PALLD: variants seen among roughly 807,000 people sequenced by gnomAD.
The protein encoded by PALLD is palladin.
PALLD carries 61 observed loss-of-function variants against 123.5 expected under a neutral mutation model. The observed-to-expected ratio is 0.49, with a 90% CI of 0.40 to 0.61. The LOEUF is 0.61. Among genes scored for constraint, PALLD ranks in the 20% least tolerant of loss-of-function variants. The pLI is 0.00. For synonymous variants in PALLD, 465 were observed against 496.4 expected (o/e 0.94, Z 0.84); for missense variants, 1,273 against 1,377.0 (o/e 0.92, Z 1.20).
chr4:168,739,254 C>T (rs1039086040), intron 10 of PALLD, among the ~76,000 whole-genome samples: 1 of 152,194 alleles, frequency 6.6e-6, no homozygotes, highest in Non-Finnish European at 1.5e-5. Flanking sequence ...CTTTGATATA[C>T]TGATTCATTT....
At chr4:168,526,758 T>TGG (rs1436747673) in intron 2 of PALLD, among the ~76,000 whole-genome samples, 2 of 152,036 alleles carry the variant, frequency 1.3e-5, no homozygotes, top group Non-Finnish European at 2.9e-5. Context: ...GATAATTTTA[T>TGG]CAGCCAAATA....
intron 10 of PALLD, among the ~76,000 whole-genome samples, chr4:168,795,305 A>G (rs575047833): frequency 6.6e-6 from 1 of 152,360 alleles, no homozygotes; most frequent in Admixed American, 6.5e-5. Flanking sequence ...TGTGAAATCA[A>G]TTTAAAGGTT....
intron 10 of PALLD, among the ~76,000 whole-genome samples, chr4:168,771,751 T>A (rs1734484155): frequency 6.6e-6 from 1 of 152,142 alleles, no homozygotes; most frequent in Non-Finnish European, 1.5e-5. Flanking sequence ...TCTCCTTCCC[T>A]CTGCCAGCAC....
In PALLD at chr4:168,511,497, G is replaced by A. The variant is rs372273201; in HGVS notation, c.-8G>A. The stretch of plus-strand genomic sequence containing the variant: ...AGCAGACACAGAGTGCATGAAGACC[G>A]TTCAAATATGTCAGGGACCTCCTCC... On this transcript the variant is annotated 5_prime_UTR_variant, in exon 2 of 22. Coordinates refer to ENST00000505667, the MANE Select transcript of PALLD (RefSeq NM_001166108.2). The A allele has an allele frequency of 5.5e-4, 892 of 1,610,600 alleles. 13 individuals are homozygous for A. In the South Asian group the frequency reaches 8.2e-3, roughly 15 times the overall value.
chr4:168,511,488 A>G lies in PALLD; in HGVS notation c.-17A>G, dbSNP rs780437938. On this transcript the variant is annotated 5_prime_UTR_variant, in exon 2 of 22. An upstream start codon of the reference 5' UTR is lost. Coordinates refer to ENST00000505667, the MANE Select transcript of PALLD (RefSeq NM_001166108.2). ...CCTACTGAAAGCAGACACAGAGTGC[A>G]TGAAGACCGTTCAAATATGTCAGGG... The G allele has an allele frequency of 3.4e-5, 54 of 1,603,960 alleles. No homozygotes were observed. The Admixed American group carries it at 8.2e-4, about 24-fold the overall frequency.
At chr4:168,652,665 C>T (rs1157777182) in intron 2 of PALLD, among the ~76,000 whole-genome samples, 1 of 152,094 alleles carries the variant, frequency 6.6e-6, no homozygotes, top group African/African-American at 2.4e-5. Flanking sequence ...AGAAAGCTTT[C>T]CTAGGAGAGG....
rs1055718976 is a variant in PALLD, at chr4:168,508,076, C to T, written c.-82-3347C>T. 2.0e-5 allele frequency among the ~76,000 whole-genome samples: 3 copies of T among 152,266 alleles called. No homozygotes were observed. The East Asian group carries it at 5.8e-4, about 29-fold the overall frequency. ...TATCACAGCACTTTGTTTTTCTATACCACTGCAGGATGACTATAGCTAACA... is the reference window on the plus strand; with the variant it reads ...TATCACAGCACTTTGTTTTTCTATATCACTGCAGGATGACTATAGCTAACA... On this transcript the variant is annotated intron_variant, in intron 1 of 21. Coordinates refer to ENST00000505667, the MANE Select transcript of PALLD (RefSeq NM_001166108.2).
intron 10 of PALLD, among the ~76,000 whole-genome samples, chr4:168,802,108 G>A (rs1021003401): frequency 6.6e-6 from 1 of 152,142 alleles, no homozygotes; most frequent in African/African-American, 2.4e-5. Context: ...ACAAAATTGG[G>A]GAGTTACTTC....
intron 2 of PALLD, among the ~76,000 whole-genome samples, chr4:168,665,235 C>T (rs1235087229): frequency 1.3e-5 from 2 of 152,088 alleles, no homozygotes; most frequent in Admixed American, 1.3e-4. Flanking sequence ...CTTAACTTTC[C>T]ATGTTATACT....
chr4:168,899,495 T>A (rs1346914120), intron 14 of PALLD, among the ~76,000 whole-genome samples: 3 of 152,192 alleles, frequency 2.0e-5, no homozygotes, highest in African/African-American at 4.8e-5. Flanking sequence ...ATGATTAAAA[T>A]TCTTAGAAGC....
intron 2 of PALLD, among the ~76,000 whole-genome samples, chr4:168,634,891 C>T (rs569006083): frequency 5.9e-5 from 9 of 151,916 alleles, no homozygotes; most frequent in African/African-American, 1.9e-4. Context: ...TTGCTCTGAG[C>T]GAAGAGCTGT....
intron 10 of PALLD, among the ~76,000 whole-genome samples, chr4:168,778,689 C>T (rs182563328): frequency 2.0e-4 from 31 of 152,266 alleles, no homozygotes; most frequent in Non-Finnish European, 3.5e-4. Context: ...GCCTTACTTG[C>T]GTAAGGAAAC....
chr4:168,762,726 G>T (rs1327676267), intron 10 of PALLD, among the ~76,000 whole-genome samples: 1 of 152,178 alleles, frequency 6.6e-6, no homozygotes, highest in Non-Finnish European at 1.5e-5. Flanking sequence ...ACACGCACAC[G>T]TATGTTTATT....
At chr4:168,660,008 T>G (rs1482331971) in intron 2 of PALLD, among the ~76,000 whole-genome samples, 1 of 152,182 alleles carries the variant, frequency 6.6e-6, no homozygotes, top group African/African-American at 2.4e-5. Context: ...ATTTGTTGGT[T>G]CCTTTCATTA....
chr4:168,516,661 C>T (rs1763017236), intron 2 of PALLD, among the ~76,000 whole-genome samples: 1 of 152,028 alleles, frequency 6.6e-6, no homozygotes, highest in Non-Finnish European at 1.5e-5. Flanking sequence ...GATTCTTGAT[C>T]CCATGCTGCA....
intron 2 of PALLD, among the ~76,000 whole-genome samples, chr4:168,525,680 A>G (rs1250445544): frequency 6.6e-6 from 1 of 152,234 alleles, no homozygotes; most frequent in East Asian, 1.9e-4. Context: ...GAAAATGCCA[A>G]TGGTATACCT....
chr4:168,924,444 G>T, intron 19 of PALLD, 24 bp downstream of exon 19: 1 of 1,598,852 alleles, frequency 6.3e-7, no homozygotes, highest in South Asian at 1.1e-5. Flanking sequence ...ATGAGAACCT[G>T]ATCCTTAACT....
intron 10 of PALLD, among the ~76,000 whole-genome samples, chr4:168,720,068 A>G (rs984135946): frequency 6.6e-6 from 1 of 152,158 alleles, no homozygotes; most frequent in Non-Finnish European, 1.5e-5. Flanking sequence ...ACATCTGCAA[A>G]ATGCTGGGTA....
intron 2 of PALLD, among the ~76,000 whole-genome samples, chr4:168,579,893 G>A (rs1278751501): frequency 1.3e-5 from 2 of 151,862 alleles, no homozygotes; most frequent in Admixed American, 1.3e-4. Flanking sequence ...TGTGTGTGGT[G>A]AGAATACTTC....
Sources: allele counts gnomAD v4.1 joint callset (sites outside exome capture counted in the v4.1 genomes callset), GRCh38; gene constraint gnomAD v4.1.1; transcripts MANE v1.5; gene names NCBI Gene and HGNC (gene_info 2026-07-23, HGNC 2026-07-21).